SLC7A4: variants seen among roughly 807,000 people sequenced by gnomAD.
The protein encoded by SLC7A4 is solute carrier family 7 member 4.
In SLC7A4, 30 loss-of-function variants were observed where a neutral mutation model predicts 37.8. The ratio of observed to expected loss-of-function variants is 0.79; its 90% CI spans 0.59 to 1.08. SLC7A4 has a LOEUF of 1.08. Among genes scored for constraint, SLC7A4 ranks in the 50% least tolerant of loss-of-function variants. The pLI, the probability that SLC7A4 is intolerant of heterozygous loss-of-function variation, is 0.00. For synonymous variants in SLC7A4, 359 were observed against 376.5 expected (o/e 0.95, Z 0.54); for missense variants, 839 against 843.2 (o/e 1.00, Z 0.06).
Position 21,029,944 on chromosome 22 carries a change from G to T in SLC7A4, c.1390C>A (p.Pro464Thr), listed in dbSNP as rs1928826111. ...EPGELKPALRPYLGFLDGYSP... is the reference protein window; with the variant it reads ...EPGELKPALRTYLGFLDGYSP... ...TACCCATCCAAGAAGCCCAGGTAGGGCCTCAGGGCTGGCTTCAGCTCCCCT... is the reference window on the plus strand; with the variant it reads ...TACCCATCCAAGAAGCCCAGGTAGGTCCTCAGGGCTGGCTTCAGCTCCCCT... Residue 464 changes from proline to threonine, a missense_variant, in exon 3 of 5, where the codon CCC becomes ACC. Pro to Thr is a conservative substitution (Grantham distance 38, BLOSUM62 -1). Transcript: ENST00000382932. 6.2e-7 allele frequency: 1 copy of T among 1,613,778 alleles called. No homozygotes were observed. The highest frequency in any genetic ancestry group is 8.5e-7 in the Non-Finnish European group (1 of 1,179,962).
At position 21,031,413 on chromosome 22, in the gene SLC7A4, C is replaced by A; in HGVS notation, c.400G>T (p.Ala134Ser). The A allele has an allele frequency of 6.2e-7, 1 of 1,603,530 alleles. No individual in the cohort carries two copies. Among genetic ancestry groups the A allele is most frequent in the South Asian group, 1.1e-5 (1 of 89,280 alleles). ...LEYIIGGAAV[A>S]RAWSGYLDSM... ...TCCAGGTAGCCACTCCAGGCACGGG[C>A]CACGGCGGCGCCACCGATGATGTAT... The change falls in exon 2 of 5, where the codon GCC becomes TCC. Residue 134 changes from alanine (A) to serine (S), a missense_variant. Ala to Ser is a moderately conservative substitution (Grantham distance 99, BLOSUM62 1). Coordinates refer to ENST00000382932, the MANE Select transcript of SLC7A4 (RefSeq NM_004173.3).
rs2148116504 is a variant in SLC7A4 at position 21,031,735 on chromosome 22, G to A, written c.78C>T (p.Asp26=). Reference sequence around the variant, plus strand: ...GCCGCAGTGACGTCTCCATGGTGGAGTCCTCCAGCGGCTTCAGGCGGTTCA... The same window carrying A: ...GCCGCAGTGACGTCTCCATGGTGGAATCCTCCAGCGGCTTCAGGCGGTTCA... ...QKLNRLKPLE[D]STMETSLRRC... Residue 26 remains aspartate, a synonymous_variant, in exon 2 of 5, where the codon GAC becomes GAT. Transcript: ENST00000382932. 1 of 1,602,800 alleles carries A rather than the reference G, an allele frequency of 6.2e-7. No individual in the cohort carries two copies. The highest frequency in any genetic ancestry group is 8.5e-7 in the Non-Finnish European group (1 of 1,174,496).
rs988182776 is a variant in SLC7A4 at position 21,029,814 on chromosome 22, T to C, written c.1520A>G (p.His507Arg). ...VFGNSTLHLP[H>R]WGYILLLLLT... ...CAGGAGCAGCAGGATGTAACCCCAG[T>C]GTGGGAGGTGCAGGGTCGAGTTCCC... The change falls in exon 3 of 5, where the codon CAC (histidine) becomes CGC (arginine). Residue 507 changes from histidine (H) to arginine (R), a missense_variant. Transcript: ENST00000382932. 2.5e-6 allele frequency: 4 copies of C among 1,613,468 alleles called. No homozygotes were observed. Among genetic ancestry groups the C allele is most frequent in the Non-Finnish European group, 3.4e-6 (4 of 1,179,968 alleles).
chr22:21,031,683 G>A lies in SLC7A4; in HGVS notation c.130C>T (p.Leu44Phe), dbSNP rs764236493. 2.5e-6 allele frequency: 4 copies of A among 1,613,572 alleles called. No individual in the cohort carries two copies. Among genetic ancestry groups the A allele is most frequent in the African/African-American group, 2.7e-5 (2 of 74,930 alleles). ...RRCLSTLDLT[L>F]LGVGGMVGSG... ...CCCACCATGCCACCCACGCCCAGAAGAGTCAGGTCCAGCGTGGACAGGCAG... is the reference window on the plus strand; with the variant it reads ...CCCACCATGCCACCCACGCCCAGAAAAGTCAGGTCCAGCGTGGACAGGCAG... Residue 44 changes from leucine (L) to phenylalanine (F), a missense_variant, in exon 2 of 5, where the codon CTT (leucine) becomes TTT (phenylalanine). By Grantham distance (22) the Leu-to-Phe change is conservative (BLOSUM62 0). Coordinates refer to ENST00000382932, the MANE Select transcript of SLC7A4 (RefSeq NM_004173.3).
Position 21,031,724 on chromosome 22 carries a change from T to C in SLC7A4, c.89A>G (p.Glu30Gly). ...GGACAGGCAGCGCCGCAGTGACGTC[T>C]CCATGGTGGAGTCCTCCAGCGGCTT... ...RLKPLEDSTM[E>G]TSLRRCLSTL... Residue 30 changes from glutamate to glycine, a missense_variant, in exon 2 of 5, where the codon GAG becomes GGG. Coordinates refer to ENST00000382932, the MANE Select transcript of SLC7A4 (RefSeq NM_004173.3). 2 of 1,610,366 alleles carry C rather than the reference T, an allele frequency of 1.2e-6. No homozygotes were observed. The highest frequency in any genetic ancestry group is 1.7e-6 in the Non-Finnish European group (2 of 1,178,244).
chr22:21,030,289 C>A lies in SLC7A4; in HGVS notation c.1045G>T (p.Ala349Ser). 1 of 1,613,346 alleles carries A rather than the reference C, an allele frequency of 6.2e-7. No homozygotes were observed. The highest frequency in any genetic ancestry group is 2.2e-5 in the East Asian group (1 of 44,830). ...AACACCTGGAAGAAGAGCCCATCGG[C>A]GGCCATGGCATAGACAATGCGTGGC... ...SLPRIVYAMA[A>S]DGLFFQVFAH... Residue 349 changes from alanine to serine, a missense_variant, in exon 3 of 5, where the codon GCC becomes TCC. Ala to Ser is a moderately conservative substitution (Grantham distance 99). Transcript: ENST00000382932.
In SLC7A4 at chr22:21,031,398, C is replaced by T; in HGVS notation, c.415G>A (p.Gly139Ser). 6.2e-7 allele frequency: 1 copy of T among 1,608,634 alleles called. No individual in the cohort carries two copies. The highest frequency in any genetic ancestry group is 8.5e-7 in the Non-Finnish European group (1 of 1,177,804). ...GGAAVARAWS[G>S]YLDSMFSHSI... is the part of the protein sequence containing the mutation. Reference sequence around the variant, plus strand: ...TGGCTGAACATAGAGTCCAGGTAGCCACTCCAGGCACGGGCCACGGCGGCG... The same window carrying T: ...TGGCTGAACATAGAGTCCAGGTAGCTACTCCAGGCACGGGCCACGGCGGCG... Residue 139 changes from glycine (G) to serine (S), a missense_variant, in exon 2 of 5, where the codon GGC becomes AGC. Physicochemically the swap from Gly to Ser is moderately conservative, Grantham distance 56. Transcript: ENST00000382932.
chr22:21,031,832 C>T lies in SLC7A4; in HGVS notation c.-20G>A. 6.8e-7 allele frequency: 1 copy of T among 1,473,820 alleles called. No individual in the cohort carries two copies. Among genetic ancestry groups the T allele is most frequent in the South Asian group, 1.4e-5 (1 of 70,108 alleles). The allele number at this position is 1,473,820 out of a possible 1,614,324, so 91.3% of individuals were successfully genotyped here. ...GGCCATGGCAGGTGGCCGAGAAGAG[C>T]ACCGAGCCAGCTACTGGAACCTGCT... On this transcript the variant is annotated 5_prime_UTR_variant, in exon 2 of 5. Coordinates refer to ENST00000382932, the MANE Select transcript of SLC7A4 (RefSeq NM_004173.3).
chr22:21,030,359 A>C lies in SLC7A4; in HGVS notation c.983-8T>G, dbSNP rs755189882. 6.3e-7 allele frequency: 1 copy of C among 1,592,250 alleles called. No homozygotes were observed. Among genetic ancestry groups the C allele is most frequent in the Non-Finnish European group, 8.6e-7 (1 of 1,166,584 alleles). The stretch of plus-strand genomic sequence containing the variant: ...GCAGGACGGTGTTCATGGCTGTAGC[A>C]GAGAGAGTGGGGAGGGTCAGCATGG... On this transcript the variant is annotated splice_polypyrimidine_tract_variant and splice_region_variant and intron_variant, in intron 2 of 4. Transcript: ENST00000382932.
rs771396847 is a variant in SLC7A4, at chr22:21,029,021, G to T, written c.*34C>A. ...CTGGCCTCTCTGGCCTCCCAAGCAG[G>T]TGTGGGAGGGCGGGGCAAGTGTGGG... is the stretch of plus-strand genomic sequence containing the variant. On this transcript the variant is annotated 3_prime_UTR_variant, in exon 5 of 5. Transcript: ENST00000382932. The T allele has an allele frequency of 1.9e-6, 3 of 1,566,596 alleles. No homozygotes were observed. Among genetic ancestry groups the T allele is most frequent in the Middle Eastern group, 2.3e-4 (1 of 4,332 alleles).
intron 2 of SLC7A4, 78 bp downstream of exon 2, chr22:21,030,753 G>T: frequency 4.8e-6 from 7 of 1,457,690 alleles, no homozygotes; most frequent in Non-Finnish European, 5.5e-6. Context: ...CCCAGTTGAA[G>T]GTGCATTCCC....
chr22:21,031,585 A>G lies in SLC7A4; in HGVS notation c.228T>C (p.Gly76=). 2 of 1,607,500 alleles carry G rather than the reference A, an allele frequency of 1.2e-6. No homozygotes were observed. The highest frequency in any genetic ancestry group is 1.7e-6 in the Non-Finnish European group (2 of 1,177,544). The stretch of plus-strand genomic sequence containing the variant: ...CCAGCAGGGAGGCCACAGCGGCCAC[A>G]CCGAAGGACAAGAGCACAGCAGGGC... ...VAGPAVLLSF[G]VAAVASLLAA... is the part of the protein sequence containing the mutation. The change falls in exon 2 of 5, where the codon GGT becomes GGC. Residue 76 remains glycine (G), a synonymous_variant. Coordinates refer to ENST00000382932, the MANE Select transcript of SLC7A4 (RefSeq NM_004173.3).
At position 21,029,021 on chromosome 22, in the gene SLC7A4, G is replaced by A. The variant is rs771396847; in HGVS notation, c.*34C>T. The A allele has an allele frequency of 1.9e-6, 3 of 1,566,598 alleles. No homozygotes were observed. The highest frequency in any genetic ancestry group is 1.2e-5 in the South Asian group (1 of 84,522). On this transcript the variant is annotated 3_prime_UTR_variant, in exon 5 of 5. Transcript: ENST00000382932. ...CTGGCCTCTCTGGCCTCCCAAGCAGGTGTGGGAGGGCGGGGCAAGTGTGGG... is the reference window on the plus strand; with the variant it reads ...CTGGCCTCTCTGGCCTCCCAAGCAGATGTGGGAGGGCGGGGCAAGTGTGGG...
At position 21,029,461 on chromosome 22, in the gene SLC7A4, AGGGCAGGGCTGGGCC is replaced by A. The variant is rs745444870; in HGVS notation, c.1624-32_1624-18del. On this transcript the variant is annotated intron_variant, in intron 3 of 4. Coordinates refer to ENST00000382932, the MANE Select transcript of SLC7A4 (RefSeq NM_004173.3). ...CATGGGGATCTGAGGAGGCAGAGGCAGGGCAGGGCTGGGCCGGGCTGCAGGAAAGATCTGCCAGCC... is the reference window on the plus strand; with the variant it reads ...CATGGGGATCTGAGGAGGCAGAGGCAGGGCTGCAGGAAAGATCTGCCAGCC... The A allele has an allele frequency of 1.3e-6, 2 of 1,581,832 alleles. No individual in the cohort carries two copies. The highest frequency in any genetic ancestry group is 2.7e-5 in the African/African-American group (2 of 74,286).
chr22:21,031,270 A>T lies in SLC7A4; in HGVS notation c.543T>A (p.Ser181=). The T allele has an allele frequency of 6.2e-7, 1 of 1,612,112 alleles. No individual in the cohort carries two copies. Among genetic ancestry groups the T allele is most frequent in the East Asian group, 2.2e-5 (1 of 44,860 alleles). ...FLAAGIILLA[S]AFVSCGARVS... ...CGCGGGCTCCACAGGAGACAAAGGC[A>T]GAGGCCAGGAGGATGATGCCAGCAG... Residue 181 remains serine, a synonymous_variant, in exon 2 of 5, where the codon TCT becomes TCA. Transcript: ENST00000382932.
chr22:21,030,189 G>A lies in SLC7A4; in HGVS notation c.1145C>T (p.Ala382Val), dbSNP rs769844275. 3.1e-6 allele frequency: 5 copies of A among 1,613,746 alleles called. No homozygotes were observed. The East Asian group carries it at 1.1e-4, about 36-fold the overall frequency. ...LAFGLLTAFLALLLDLESLVQ... is the reference protein window; with the variant it reads ...LAFGLLTAFLVLLLDLESLVQ... ...CAGCGACTCCAGGTCCAGCAGCAGT[G>A]CCAGGAAGGCCGTGAGGAGCCCGAA... The change falls in exon 3 of 5, where the codon GCA becomes GTA. Residue 382 changes from alanine to valine, a missense_variant. Ala to Val is a moderately conservative substitution (Grantham distance 64). Coordinates refer to ENST00000382932, the MANE Select transcript of SLC7A4 (RefSeq NM_004173.3).
intron 2 of SLC7A4, 100 bp downstream of exon 2, chr22:21,030,731 T>C (rs1204974733): frequency 1.5e-6 from 2 of 1,359,456 alleles, no homozygotes; most frequent in Non-Finnish European, 2.0e-6. Context: ...ATTATGCAAC[T>C]AGTAAAACAG....
chr22:21,029,305 T>A (rs1343623513), intron 4 of SLC7A4, 31 bp downstream of exon 4: 1 of 1,611,968 alleles, frequency 6.2e-7, no homozygotes, highest in East Asian at 2.2e-5. Flanking sequence ...GCCCTCCTCC[T>A]GACCCCGGTC....
Position 21,030,339 on chromosome 22 carries a change from A to G in SLC7A4, c.995T>C (p.Val332Ala). ...CAGGGAGAAGAGGAGGCTGAGCAGGACGGTGTTCATGGCTGTAGCAGAGAG... is the reference window on the plus strand; with the variant it reads ...CAGGGAGAAGAGGAGGCTGAGCAGGGCGGTGTTCATGGCTGTAGCAGAGAG... ...AAGSICAMNT[V>A]LLSLLFSLPR... The change falls in exon 3 of 5, where the codon GTC becomes GCC. Residue 332 changes from valine to alanine, a missense_variant. Coordinates refer to ENST00000382932, the MANE Select transcript of SLC7A4 (RefSeq NM_004173.3). 6.2e-7 allele frequency: 1 copy of G among 1,606,256 alleles called. No individual in the cohort carries two copies. The highest frequency in any genetic ancestry group is 1.1e-5 in the South Asian group (1 of 90,370).
Sources: allele counts gnomAD v4.1 joint callset, GRCh38; gene constraint gnomAD v4.1.1; transcripts MANE v1.5; gene names NCBI Gene and HGNC (gene_info 2026-07-23, HGNC 2026-07-21).